RAB1A: variants seen among roughly 807,000 people sequenced by gnomAD.
RAB1A encodes the protein ras-related protein Rab-1A.
In RAB1A, 2 loss-of-function variants were observed where a neutral mutation model predicts 26.0. The ratio of observed to expected loss-of-function variants is 0.08; its 90% CI spans 0.03 to 0.24. The LOEUF (loss-of-function observed/expected upper bound fraction) is 0.24. Ranked by LOEUF, RAB1A falls within the 10% of genes least tolerant of loss-of-function variation. RAB1A has a pLI of 1.00. For missense variants in RAB1A, 100 were observed against 247.0 expected (o/e 0.40, Z 3.99); for synonymous variants, 84 against 84.9 (o/e 0.99, Z 0.06).
Position 65,122,155 on chromosome 2 carries a change from C to CA in RAB1A, c.23+7737dup, listed in dbSNP as rs57590844. On this transcript the variant is annotated intron_variant, in intron 1 of 5. Coordinates refer to ENST00000409784, the MANE Select transcript of RAB1A (RefSeq NM_004161.5). ...TGGGTGACAGAGCAAGACTCTATCTCAAAAAAAAAAAAAAAAAAAAAAAAA... is the reference window on the plus strand; with the variant it reads ...TGGGTGACAGAGCAAGACTCTATCTCAAAAAAAAAAAAAAAAAAAAAAAAAA... 3.2e-4 allele frequency among the ~76,000 whole-genome samples: 10 copies of CA among 31,718 alleles called. 1 individual carries two copies. The highest frequency in any genetic ancestry group is 5.6e-4 in the Non-Finnish European group (7 of 12,556). 20.8% of individuals were successfully genotyped at this position (31,718 alleles called of 152,430 possible). A position where few individuals can be genotyped will look rare whatever the true frequency, so the allele number is the denominator to read the frequency against.
chr2:65,118,943 C>T (rs1048609633), intron 1 of RAB1A, among the ~76,000 whole-genome samples: 10 of 151,806 alleles, frequency 6.6e-5, no homozygotes, highest in Middle Eastern at 3.2e-3. Flanking sequence ...AATCCCAGCA[C>T]GTTGGGAGGT....
chr2:65,100,830 C>T (rs892088255), intron 2 of RAB1A, among the ~76,000 whole-genome samples: 14 of 151,844 alleles, frequency 9.2e-5, no homozygotes, highest in African/African-American at 3.4e-4. Context: ...GCACATCTAT[C>T]CCCCAGGTAC....
chr2:65,105,374 G>T (rs146241817), intron 1 of RAB1A: 2 of 178,756 alleles, frequency 1.1e-5, no homozygotes, highest in African/African-American at 2.4e-5. Context: ...GCATGGTTGC[G>T]CATGCCTGTA....
chr2:65,097,522 T>C (rs1035748009), intron 3 of RAB1A, among the ~76,000 whole-genome samples: 34 of 152,218 alleles, frequency 2.2e-4, no homozygotes, highest in Non-Finnish European at 4.1e-4. Context: ...ACAGAGTTGG[T>C]GCACACTATC....
chr2:65,103,391 T>G (rs1036989614), intron 2 of RAB1A, among the ~76,000 whole-genome samples: 1 of 151,928 alleles, frequency 6.6e-6, no homozygotes, highest in Non-Finnish European at 1.5e-5. Context: ...TTTTCAAAAA[T>G]TAATCATTTT....
intron 2 of RAB1A, among the ~76,000 whole-genome samples, chr2:65,099,826 C>A (rs1374560969): frequency 1.3e-5 from 2 of 152,094 alleles, no homozygotes; most frequent in African/African-American, 4.8e-5. Flanking sequence ...GAGCTAGTAG[C>A]TACTCTAAGG....
At chr2:65,126,877 T>C (rs1670113117) in intron 1 of RAB1A, among the ~76,000 whole-genome samples, 1 of 152,238 alleles carries the variant, frequency 6.6e-6, no homozygotes, top group Non-Finnish European at 1.5e-5. Flanking sequence ...TAATTACTTT[T>C]ATAAAGATAA....
intron 1 of RAB1A, among the ~76,000 whole-genome samples, chr2:65,111,341 G>A (rs929017844): frequency 2.1e-4 from 31 of 147,844 alleles, no homozygotes; most frequent in Middle Eastern, 3.5e-3. Context: ...CAGCCTAGGC[G>A]ACAGAACGAG....
At chr2:65,089,137 C>G (rs540343521) in intron 4 of RAB1A, 67 bp from the exon 5 acceptor site, 1 of 1,381,294 alleles carries the variant, frequency 7.2e-7, no homozygotes, top group African/African-American at 1.4e-5. Context: ...ACAGAAACAT[C>G]GTTCCTGACC....
rs570637805 is a variant in RAB1A at position 65,122,761 on chromosome 2, G to A, written c.23+7132C>T. Among the ~76,000 whole-genome samples the A allele has an allele frequency of 1.7e-4, 26 of 152,110 alleles. No homozygotes were observed. In the South Asian group the frequency reaches 5.2e-3, roughly 30 times the overall value. On this transcript the variant is annotated intron_variant, in intron 1 of 5. Transcript: ENST00000409784. ...AGAGGCAGAGGCAGGTGGATCACAA[G>A]GTCAGGAGATCATCCTGGCTAACAC...
At chr2:65,116,474 A>G (rs146977281) in intron 1 of RAB1A, among the ~76,000 whole-genome samples, 172 of 152,292 alleles carry the variant, frequency 1.1e-3, no homozygotes, top group Non-Finnish European at 1.5e-3. Flanking sequence ...TTCCTCATCT[A>G]TAAGGTTCAA....
rs369328710 is a variant in RAB1A, at chr2:65,103,490, A to ATGAG, written c.96+1240_96+1243dup. On this transcript the variant is annotated intron_variant, in intron 2 of 5. Coordinates refer to ENST00000409784, the MANE Select transcript of RAB1A (RefSeq NM_004161.5). Reference sequence around the variant, plus strand: ...CACAGAGGTAAAGAATGCCATCACCATGAGTACAATTTGGAGCTTAGCGCT... The same window carrying ATGAG: ...CACAGAGGTAAAGAATGCCATCACCATGAGTGAGTACAATTTGGAGCTTAGCGCT... Among the ~76,000 whole-genome samples, 575 of 152,252 alleles carry ATGAG rather than the reference A, an allele frequency of 3.8e-3. 4 individuals are homozygous for ATGAG. The highest frequency in any genetic ancestry group is 5.7e-3 in the Non-Finnish European group (391 of 68,020).
intron 1 of RAB1A, among the ~76,000 whole-genome samples, chr2:65,118,475 T>C (rs553564292): frequency 4.1e-4 from 63 of 152,182 alleles, no homozygotes; most frequent in Non-Finnish European, 7.4e-4. Context: ...TTTCCTTTTT[T>C]GTTTGTTTGT....
At chr2:65,096,298 G>A (rs1428545145) in intron 3 of RAB1A, among the ~76,000 whole-genome samples, 1 of 152,168 alleles carries the variant, frequency 6.6e-6, no homozygotes, top group Non-Finnish European at 1.5e-5. Context: ...CTGGGAGACA[G>A]AGCAATACTG....
At chr2:65,118,576 C>G (rs1164688103) in intron 1 of RAB1A, among the ~76,000 whole-genome samples, 1 of 152,134 alleles carries the variant, frequency 6.6e-6, no homozygotes, top group Non-Finnish European at 1.5e-5. Context: ...CTCCCGGGTT[C>G]AAGCAGTTCT....
In RAB1A at chr2:65,089,026, A is replaced by T. The variant is rs1451839147; in HGVS notation, c.333T>A (p.Arg111=). The change falls in exon 5 of 6, where the codon CGT becomes CGA. Residue 111 remains arginine (R), a synonymous_variant. Coordinates refer to ENST00000409784, the MANE Select transcript of RAB1A (RefSeq NM_004161.5). ...ATTTGTTGACATTTTCACTGGCATA[A>T]CGATCTATTTCCTGCAGCCACTGTT... is the stretch of plus-strand genomic sequence containing the variant. ...NVKQWLQEID[R]YASENVNKLL... is the part of the protein sequence containing the mutation. 6.2e-7 allele frequency: 1 copy of T among 1,610,534 alleles called. No individual in the cohort carries two copies. The highest frequency in any genetic ancestry group is 1.3e-5 in the African/African-American group (1 of 74,902).
intron 1 of RAB1A, among the ~76,000 whole-genome samples, chr2:65,110,682 C>T (rs1669674296): frequency 6.6e-6 from 1 of 151,472 alleles, no homozygotes; most frequent in Non-Finnish European, 1.5e-5. Context: ...CCTGTAATTC[C>T]CACCTACTTG....
chr2:65,098,779 C>T lies in RAB1A; in HGVS notation c.97-713G>A, dbSNP rs142501226. ...TATGTGGCCCTCTGTGTCTGTCTTCCTTCATTTAGCAGAATGTTTTCAAGG... is the reference window on the plus strand; with the variant it reads ...TATGTGGCCCTCTGTGTCTGTCTTCTTTCATTTAGCAGAATGTTTTCAAGG... On this transcript the variant is annotated intron_variant, in intron 2 of 5. Transcript: ENST00000409784. 2.4e-3 allele frequency among the ~76,000 whole-genome samples: 355 copies of T among 149,646 alleles called. 3 individuals are homozygous for T. Among genetic ancestry groups the T allele is most frequent in the African/African-American group, 8.2e-3 (333 of 40,790 alleles).
intron 2 of RAB1A, among the ~76,000 whole-genome samples, chr2:65,103,454 T>C (rs889298221): frequency 3.9e-5 from 6 of 152,182 alleles, no homozygotes; most frequent in Non-Finnish European, 8.8e-5. Context: ...TTGTTTTTGT[T>C]CCTGTGAGGG....
Sources: gnomAD v4.1 joint callset for allele counts (sites outside exome capture counted in the v4.1 genomes callset) on GRCh38, gnomAD v4.1.1 for gene constraint, MANE v1.5 for transcripts, NCBI Gene and HGNC (gene_info 2026-07-23, HGNC 2026-07-21) for gene names.